MAP3K13: variants seen among roughly 807,000 people sequenced by gnomAD.
MAP3K13 encodes the protein leucine zipper-bearing kinase.
In MAP3K13, 52 loss-of-function variants were observed where a neutral mutation model predicts 104.0. The observed-to-expected ratio is 0.50, with a 90% CI of 0.40 to 0.63. The LOEUF (loss-of-function observed/expected upper bound fraction) is 0.63, where lower values mean the gene tolerates loss of function less well. Among genes scored for constraint, MAP3K13 ranks in the 20% least tolerant of loss-of-function variants. The pLI is 0.00. For synonymous variants in MAP3K13, 394 were observed against 442.2 expected (o/e 0.89, Z 1.37); for missense variants, 914 against 1,218.5 (o/e 0.75, Z 3.72).
At chr3:185,341,597 G>T (rs1291904984) in intron 2 of MAP3K13, among the ~76,000 whole-genome samples, 2 of 152,226 alleles carry the variant, frequency 1.3e-5, no homozygotes, top group Non-Finnish European at 2.9e-5. Context: ...TTTAAGGCAT[G>T]TCTAAATTTT....
intron 2 of MAP3K13, among the ~76,000 whole-genome samples, chr3:185,300,371 A>G (rs1721061123): frequency 1.3e-5 from 2 of 151,482 alleles, no homozygotes; most frequent in South Asian, 2.1e-4. Flanking sequence ...TATTTTTAGT[A>G]GAGATGGGGT....
chr3:185,455,504 T>C (rs1485601126), intron 7 of MAP3K13, among the ~76,000 whole-genome samples: 1 of 69,754 alleles, frequency 1.4e-5, no homozygotes, highest in African/African-American at 4.6e-5. Context: ...ATACATGAGA[T>C]ATATATGAGA....
rs1212658227 is a variant in MAP3K13, at chr3:185,454,388, GAT to G, written c.1278+3000_1278+3001del. Among the ~76,000 whole-genome samples, 7 of 12,176 alleles carry G rather than the reference GAT, an allele frequency of 5.7e-4. 1 individual carries two copies. Among genetic ancestry groups the G allele is most frequent in the East Asian group, 2.1e-3 (1 of 480 alleles). The allele number at this position is 12,176 out of a possible 152,430, so 8.0% of individuals were successfully genotyped here. ...TGAGATATATATATGAGATATATGA[GAT>G]ATATATGAGATATATATATGAGATA... On this transcript the variant is annotated intron_variant, in intron 7 of 13. Transcript: ENST00000265026.
At chr3:185,476,314 A>G (rs1718120939) in intron 11 of MAP3K13, among the ~76,000 whole-genome samples, 1 of 150,074 alleles carries the variant, frequency 6.7e-6, no homozygotes, top group South Asian at 2.1e-4. Flanking sequence ...TAAACTGCTC[A>G]TCTCAGCAGT....
intron 1 of MAP3K13, among the ~76,000 whole-genome samples, chr3:185,366,992 G>A (rs1458827020): frequency 6.6e-6 from 1 of 151,952 alleles, no homozygotes; most frequent in African/African-American, 2.4e-5. Flanking sequence ...TATCTAAGTT[G>A]GCTTTGCCTG....
chr3:185,399,422 G>A (rs1712624928), intron 1 of MAP3K13, among the ~76,000 whole-genome samples: 1 of 151,622 alleles, frequency 6.6e-6, no homozygotes, highest in Non-Finnish European at 1.5e-5. Context: ...GGCCAACATG[G>A]TGAAACTCCG....
chr3:185,393,193 T>TAAC (rs1712172595), intron 1 of MAP3K13, among the ~76,000 whole-genome samples: 1 of 151,632 alleles, frequency 6.6e-6, no homozygotes, highest in South Asian at 2.1e-4. Flanking sequence ...AAGAGAAAAA[T>TAAC]AAGTCATACA....
chr3:185,467,781 C>CAA (rs1170149474), intron 10 of MAP3K13, among the ~76,000 whole-genome samples: 10 of 58,224 alleles, frequency 1.7e-4, no homozygotes, highest in East Asian at 5.6e-4. Flanking sequence ...GACTCTGTCT[C>CAA]AAAAAAAAAA....
At chr3:185,451,188 C>T (rs944141516) in intron 6 of MAP3K13, 99 bp from the exon 7 acceptor site, 1 of 765,090 alleles carries the variant, frequency 1.3e-6, no homozygotes. Context: ...TCAGATATAG[C>T]CATTTTGAAG....
At chr3:185,447,283 G>A (rs1715640183) in intron 4 of MAP3K13, among the ~76,000 whole-genome samples, 2 of 151,860 alleles carry the variant, frequency 1.3e-5, no homozygotes, top group African/African-American at 4.8e-5. Flanking sequence ...CTGAGGTCAG[G>A]AGTTCGAGAC....
At chr3:185,397,875 G>A (rs1026081365) in intron 1 of MAP3K13, among the ~76,000 whole-genome samples, 3 of 152,120 alleles carry the variant, frequency 2.0e-5, no homozygotes, top group African/African-American at 7.2e-5. Flanking sequence ...GATGAGACTG[G>A]AGCGGAGCCT....
chr3:185,357,390 G>T (rs1181068170), intron 2 of MAP3K13, among the ~76,000 whole-genome samples: 1 of 149,208 alleles, frequency 6.7e-6, no homozygotes, highest in Non-Finnish European at 1.5e-5. Flanking sequence ...GGAGGTTACG[G>T]TGAGCCAAGA....
intron 2 of MAP3K13, among the ~76,000 whole-genome samples, chr3:185,319,532 T>C (rs758605839): frequency 1.3e-5 from 2 of 152,242 alleles, no homozygotes; most frequent in East Asian, 1.9e-4. Context: ...CATTGCATAC[T>C]AGGGTGCCTT....
intron 1 of MAP3K13, among the ~76,000 whole-genome samples, chr3:185,404,724 C>A (rs951998021): frequency 5.0e-4 from 76 of 152,146 alleles, no homozygotes; most frequent in African/African-American, 1.8e-3. Flanking sequence ...TTACAGGTGC[C>A]CGCCACCACG....
intron 12 of MAP3K13, among the ~76,000 whole-genome samples, chr3:185,479,684 G>A (rs1229818750): frequency 2.0e-5 from 3 of 152,164 alleles, no homozygotes; most frequent in African/African-American, 7.2e-5. Context: ...GTCACCTTGG[G>A]CTGCCATAAC....
At chr3:185,357,560 A>G (rs1055781718) in intron 2 of MAP3K13, among the ~76,000 whole-genome samples, 13 of 152,236 alleles carry the variant, frequency 8.5e-5, no homozygotes, top group African/African-American at 2.6e-4. Context: ...TTCAGTGTAT[A>G]AAGTACCTTT....
chr3:185,285,488 C>G, intron 1 of MAP3K13: 1 of 699,984 alleles, frequency 1.4e-6, no homozygotes, highest in South Asian at 1.9e-5. Flanking sequence ...TACCTTAGGT[C>G]TGTACATTGA....
Position 185,477,320 on chromosome 3 carries a change from C to G in MAP3K13, c.2431-6C>G. On this transcript the variant is annotated splice_region_variant and splice_polypyrimidine_tract_variant and intron_variant, in intron 11 of 13. Coordinates refer to ENST00000265026, the MANE Select transcript of MAP3K13 (RefSeq NM_004721.5). ...AAATAAAACTCTTAATCCTTGTTCTCCTCAGAGTGGAGATGACTCCTCAGA... is the reference window on the plus strand; with the variant it reads ...AAATAAAACTCTTAATCCTTGTTCTGCTCAGAGTGGAGATGACTCCTCAGA... 6.3e-7 allele frequency: 1 copy of G among 1,586,846 alleles called. No homozygotes were observed.
chr3:185,295,235 T>C (rs1235087532), intron 2 of MAP3K13, among the ~76,000 whole-genome samples: 1 of 152,186 alleles, frequency 6.6e-6, no homozygotes, highest in Non-Finnish European at 1.5e-5. Flanking sequence ...AGACGGAGTT[T>C]TGCTCTGTCG....
Sources: gnomAD v4.1 joint callset for allele counts (sites outside exome capture counted in the v4.1 genomes callset) on GRCh38, gnomAD v4.1.1 for gene constraint, MANE v1.5 for transcripts, NCBI Gene and HGNC (gene_info 2026-07-23, HGNC 2026-07-21) for gene names.